Variants in ZNRF2 observed in about 807,000 individuals in gnomAD.
ZNRF2 encodes the protein E3 ubiquitin-protein ligase ZNRF2.
Under a neutral mutation model 20.4 loss-of-function variants are expected in ZNRF2, and 16 were observed. The observed-to-expected ratio is 0.79, with a 90% CI of 0.53 to 1.19. ZNRF2 has a LOEUF of 1.19. Ranked by LOEUF, ZNRF2 falls within the 50% of genes most tolerant of loss-of-function variation. The pLI is 0.00. For synonymous variants in ZNRF2, 178 were observed against 144.9 expected (o/e 1.23, Z -1.64); for missense variants, 363 against 332.4 (o/e 1.09, Z -0.72).
rs764965685 is a variant in ZNRF2 at position 30,303,272 on chromosome 7, A to AAAAAAG, written c.469+17463_469+17468dup. ...AAATGAGATCCTGTCTCAAAAAAAA[A>AAAAAAG]AAAAAGAAAAAGAAAAAGAAAACTA... On this transcript the variant is annotated intron_variant, in intron 1 of 4. Transcript: ENST00000323037. Among the ~76,000 whole-genome samples the AAAAAAG allele has an allele frequency of 2.5e-4, 38 of 152,080 alleles. 1 individual carries two copies. In the East Asian group the frequency reaches 5.8e-3, roughly 23 times the overall value.
At chr7:30,322,037 CATA>C (rs1799478759) in intron 1 of ZNRF2, among the ~76,000 whole-genome samples, 1 of 151,776 alleles carries the variant, frequency 6.6e-6, no homozygotes, top group African/African-American at 2.4e-5. Flanking sequence ...CAAAAAATCT[CATA>C]ATGTTTTAAG....
intron 3 of ZNRF2, among the ~76,000 whole-genome samples, chr7:30,362,084 G>T (rs1191476281): frequency 6.6e-6 from 1 of 152,228 alleles, no homozygotes; most frequent in South Asian, 2.1e-4. Context: ...ATGCAAATTT[G>T]TTATTCAGTT....
intron 3 of ZNRF2, among the ~76,000 whole-genome samples, chr7:30,361,477 T>C (rs1235657742): frequency 1.3e-5 from 2 of 152,210 alleles, no homozygotes; most frequent in Non-Finnish European, 2.9e-5. Context: ...ATATGCAAAT[T>C]TGAAATATGT....
intron 1 of ZNRF2, among the ~76,000 whole-genome samples, chr7:30,320,888 GC>G (rs1799459596): frequency 6.6e-6 from 1 of 152,190 alleles, no homozygotes; most frequent in African/African-American, 2.4e-5. Context: ...CCTTAGAGCT[GC>G]CTTAAAAAAC....
chr7:30,345,874 A>G (rs1412986037), intron 2 of ZNRF2, among the ~76,000 whole-genome samples: 1 of 152,162 alleles, frequency 6.6e-6, no homozygotes, highest in Non-Finnish European at 1.5e-5. Context: ...GTTGCGTTAC[A>G]GTTCCAGATA....
intron 2 of ZNRF2, among the ~76,000 whole-genome samples, chr7:30,355,193 C>G (rs1273865582): frequency 6.6e-6 from 1 of 152,100 alleles, no homozygotes; most frequent in Non-Finnish European, 1.5e-5. Context: ...TTCCAAAAGT[C>G]TCTTTCAGAA....
rs1165773107 is a variant in ZNRF2, at chr7:30,284,927, G to T, written c.-431G>T. 1 of 254,600 alleles carries T rather than the reference G, an allele frequency of 3.9e-6. No individual in the cohort carries two copies. Among genetic ancestry groups the T allele is most frequent in the Non-Finnish European group, 8.0e-6 (1 of 125,490 alleles). The allele number at this position is 254,600 out of a possible 1,614,324, so 15.8% of individuals were successfully genotyped here. A position where few individuals can be genotyped will look rare whatever the true frequency, so the allele number is the denominator to read the frequency against. On this transcript the variant is annotated 5_prime_UTR_variant, in exon 1 of 5. Transcript: ENST00000323037. ...TCAGCCGCCAGCCGCCGTGGGAGCC[G>T]GAGGATGGCGGCGGTAGCAGCGGCC...
intron 1 of ZNRF2, 22 bp downstream of exon 1, chr7:30,285,848 C>G (rs775677401): frequency 2.0e-6 from 3 of 1,465,460 alleles, no homozygotes; most frequent in South Asian, 1.4e-5. Flanking sequence ...TCTCCGCGCA[C>G]CCGCGCTCGG....
At chr7:30,308,722 C>T (rs1164992721) in intron 1 of ZNRF2, among the ~76,000 whole-genome samples, 1 of 152,088 alleles carries the variant, frequency 6.6e-6, no homozygotes, top group Non-Finnish European at 1.5e-5. Flanking sequence ...GTTTGTATTT[C>T]TTTACATCCT....
At chr7:30,286,111 C>G (rs1798784560) in intron 1 of ZNRF2, among the ~76,000 whole-genome samples, 1 of 152,212 alleles carries the variant, frequency 6.6e-6, no homozygotes, top group African/African-American at 2.4e-5. Context: ...ATGACTGGAG[C>G]AAATGTTGTT....
chr7:30,327,675 T>C (rs987987591), intron 2 of ZNRF2, among the ~76,000 whole-genome samples: 2 of 152,040 alleles, frequency 1.3e-5, no homozygotes, highest in Non-Finnish European at 2.9e-5. Context: ...ACTGAAAGCT[T>C]TAAAAAATAA....
rs140700888 is a variant in ZNRF2 at position 30,354,531 on chromosome 7, GCAGGGTACTCTTA to G, written c.566-1193_566-1181del. 6.7e-3 allele frequency among the ~76,000 whole-genome samples: 1,016 copies of G among 152,208 alleles called. 14 individuals are homozygous for G. Among genetic ancestry groups the G allele is most frequent in the African/African-American group, 0.024 (978 of 41,546 alleles). Reference sequence around the variant, plus strand: ...CACTTCTTATAGAATGAATTTTTCTGCAGGGTACTCTTACAGATAATGTACACAATCAAATTTG... The same window carrying G: ...CACTTCTTATAGAATGAATTTTTCTGCAGATAATGTACACAATCAAATTTG... On this transcript the variant is annotated intron_variant, in intron 2 of 4. Coordinates refer to ENST00000323037, the MANE Select transcript of ZNRF2 (RefSeq NM_147128.4).
Position 30,367,280 on chromosome 7 carries a change from T to G in ZNRF2, c.*1268T>G, listed in dbSNP as rs1316185753. The G allele has an allele frequency of 6.6e-6, 1 of 152,516 alleles. No homozygotes were observed. Among genetic ancestry groups the G allele is most frequent in the African/African-American group, 2.4e-5 (1 of 41,452 alleles). The allele number at this position is 152,516 out of a possible 1,614,324, so 9.4% of individuals were successfully genotyped here. A position where few individuals can be genotyped will look rare whatever the true frequency, so the allele number is the denominator to read the frequency against. On this transcript the variant is annotated 3_prime_UTR_variant, in exon 5 of 5. Transcript: ENST00000323037. Reference sequence around the variant, plus strand: ...AGAAATGTGTTAAACAAAATTATGTTAATAAATATTCCCACATAATACATC... The same window carrying G: ...AGAAATGTGTTAAACAAAATTATGTGAATAAATATTCCCACATAATACATC...
chr7:30,356,521 C>G (rs996597533), intron 3 of ZNRF2, among the ~76,000 whole-genome samples: 3 of 151,966 alleles, frequency 2.0e-5, no homozygotes, highest in African/African-American at 7.3e-5. Flanking sequence ...ATAAACAACA[C>G]ATTTGAACAT....
chr7:30,295,438 A>G (rs1411115586), intron 1 of ZNRF2, among the ~76,000 whole-genome samples: 2 of 152,188 alleles, frequency 1.3e-5, no homozygotes, highest in Non-Finnish European at 2.9e-5. Flanking sequence ...GGCCAGGTAC[A>G]GTGGCTTGCA....
intron 2 of ZNRF2, among the ~76,000 whole-genome samples, chr7:30,332,584 C>G (rs1799652758): frequency 6.6e-6 from 1 of 152,096 alleles, no homozygotes; most frequent in Non-Finnish European, 1.5e-5. Flanking sequence ...TCTGTGTGTA[C>G]CCATTGTTTA....
At chr7:30,345,489 C>T (rs975905878) in intron 2 of ZNRF2, among the ~76,000 whole-genome samples, 19 of 151,760 alleles carry the variant, frequency 1.3e-4, no homozygotes, top group African/African-American at 4.6e-4. Flanking sequence ...CCATTCAGAA[C>T]CTACACATTT....
intron 2 of ZNRF2, among the ~76,000 whole-genome samples, chr7:30,345,825 T>C (rs1241846889): frequency 1.3e-5 from 2 of 152,206 alleles, no homozygotes. Flanking sequence ...ACATTAAGTT[T>C]TTACTGGCAG....
intron 2 of ZNRF2, among the ~76,000 whole-genome samples, chr7:30,350,145 A>G (rs956583916): frequency 5.9e-5 from 9 of 152,014 alleles, no homozygotes; most frequent in Non-Finnish European, 8.8e-5. Flanking sequence ...AGCTATGTCT[A>G]GGTGTGGAAT....
Sources: allele counts gnomAD v4.1 joint callset (sites outside exome capture counted in the v4.1 genomes callset), GRCh38; gene constraint gnomAD v4.1.1; transcripts MANE v1.5; gene names NCBI Gene and HGNC (gene_info 2026-07-23, HGNC 2026-07-21).